GPC5: variants seen among roughly 807,000 people sequenced by gnomAD.
The protein encoded by GPC5 is glypican 5.
Under a neutral mutation model 53.9 loss-of-function variants are expected in GPC5, and 47 were observed. That is an observed-to-expected ratio of 0.87 (90% confidence interval 0.69 to 1.11). The LOEUF is 1.11. Among genes scored for constraint, GPC5 ranks in the 50% most tolerant of loss-of-function variants. GPC5 has a pLI of 0.00. For synonymous variants in GPC5, 286 were observed against 263.3 expected (o/e 1.09, Z -0.84); for missense variants, 748 against 713.1 (o/e 1.05, Z -0.56).
At chr13:91,732,754 C>T (rs2036729558) in intron 4 of GPC5, among the ~76,000 whole-genome samples, 1 of 152,114 alleles carries the variant, frequency 6.6e-6, no homozygotes, top group Admixed American at 6.5e-5. Context: ...AGCCAGTTTT[C>T]CCAGCACCTT....
intron 7 of GPC5, among the ~76,000 whole-genome samples, chr13:92,679,283 TA>T (rs1887043435): frequency 6.6e-6 from 1 of 152,226 alleles, no homozygotes; most frequent in Non-Finnish European, 1.5e-5. Context: ...AGGATTTGAC[TA>T]ACCTGTTGTT....
Position 92,254,535 on chromosome 13 carries a change from C to T in GPC5, c.1561+109546C>T, listed in dbSNP as rs146402067. Among the ~76,000 whole-genome samples the T allele has an allele frequency of 4.8e-3, 731 of 152,242 alleles. 5 individuals carry two copies. The highest frequency in any genetic ancestry group is 0.017 in the African/African-American group (701 of 41,546). On this transcript the variant is annotated intron_variant, in intron 7 of 7. Coordinates refer to ENST00000377067, the MANE Select transcript of GPC5 (RefSeq NM_004466.6). ...ACCTCCATATCTGTGAGTTCTGCAT[C>T]TGTGGATTCAGAACCACGAATAAAA...
At chr13:92,619,937 A>G (rs976417159) in intron 7 of GPC5, among the ~76,000 whole-genome samples, 6 of 152,044 alleles carry the variant, frequency 3.9e-5, no homozygotes, top group East Asian at 1.9e-4. Flanking sequence ...CTAATCTACA[A>G]TCAGAGGACA....
At chr13:92,316,289 A>G (rs1204904112) in intron 7 of GPC5, among the ~76,000 whole-genome samples, 7 of 152,170 alleles carry the variant, frequency 4.6e-5, no homozygotes, top group Admixed American at 1.3e-4. Flanking sequence ...ATACTTCAGG[A>G]TAACTAAGTA....
intron 5 of GPC5, among the ~76,000 whole-genome samples, chr13:91,877,636 G>A (rs1472327075): frequency 2.0e-5 from 3 of 152,170 alleles, no homozygotes; most frequent in Non-Finnish European, 2.9e-5. Flanking sequence ...CAGGCTTATA[G>A]GTGGAAGGAA....
At chr13:92,588,164 G>A (rs71427583) in intron 7 of GPC5, among the ~76,000 whole-genome samples, 28 of 152,120 alleles carry the variant, frequency 1.8e-4, no homozygotes, top group Non-Finnish European at 3.2e-4. Context: ...TTATGAATGA[G>A]AACATGCGGT....
At chr13:92,440,600 C>T (rs1010731941) in intron 7 of GPC5, among the ~76,000 whole-genome samples, 2 of 152,102 alleles carry the variant, frequency 1.3e-5, no homozygotes, top group African/African-American at 4.8e-5. Flanking sequence ...ATTTATTTTC[C>T]TTTGGGTATA....
intron 2 of GPC5, among the ~76,000 whole-genome samples, chr13:91,496,593 G>C (rs1884279127): frequency 6.6e-6 from 1 of 152,090 alleles, no homozygotes; most frequent in African/African-American, 2.4e-5. Flanking sequence ...TGAACTTATG[G>C]ACATAGAGAT....
intron 6 of GPC5, among the ~76,000 whole-genome samples, chr13:91,937,924 G>A (rs1025397586): frequency 1.3e-5 from 2 of 151,924 alleles, no homozygotes; most frequent in African/African-American, 4.8e-5. Flanking sequence ...CCTTATATTG[G>A]TAACACATCT....
intron 7 of GPC5, among the ~76,000 whole-genome samples, chr13:92,762,080 C>T (rs921125988): frequency 6.6e-6 from 1 of 151,148 alleles, no homozygotes; most frequent in African/African-American, 2.4e-5. Flanking sequence ...TATGAAAACA[C>T]ATGGAAGTAT....
intron 7 of GPC5, among the ~76,000 whole-genome samples, chr13:92,655,322 T>TTTATTTATTTAC (rs1886091681): frequency 7.3e-6 from 1 of 136,536 alleles, no homozygotes; most frequent in Admixed American, 7.3e-5. Context: ...TATTTATTTA[T>TTTATTTATTTAC]TTATTTATTT....
chr13:92,673,025 C>T (rs12877956), intron 7 of GPC5, among the ~76,000 whole-genome samples: 33,600 of 151,810 alleles, frequency 0.22, 4,379 homozygotes, highest in South Asian at 0.36. Flanking sequence ...CTTGTACCCC[C>T]GAACCTAAAA....
intron 7 of GPC5, among the ~76,000 whole-genome samples, chr13:92,666,606 C>A (rs549700054): frequency 2.6e-5 from 4 of 152,234 alleles, no homozygotes; most frequent in African/African-American, 9.6e-5. Context: ...GTAAGACAGG[C>A]AATTTTATAA....
At chr13:91,978,606 A>G (rs112882109) in intron 6 of GPC5, among the ~76,000 whole-genome samples, 3,602 of 152,302 alleles carry the variant, frequency 0.024, 141 homozygotes, top group African/African-American at 0.082. Flanking sequence ...GACACACAGG[A>G]AGACATCAGA....
intron 7 of GPC5, among the ~76,000 whole-genome samples, chr13:92,703,243 G>T (rs1049093873): frequency 6.6e-6 from 1 of 151,558 alleles, no homozygotes; most frequent in African/African-American, 2.4e-5. Context: ...GTTTTCAAAA[G>T]AATAAATTAA....
chr13:92,253,503 G>C lies in GPC5; in HGVS notation c.1561+108514G>C, dbSNP rs1306460188. Among the ~76,000 whole-genome samples the C allele has an allele frequency of 4.6e-5, 7 of 152,196 alleles. No homozygotes were observed. In the East Asian group the frequency reaches 1.4e-3, roughly 29 times the overall value. ...AATTAGCAGTTAGTCATGCAGATAA[G>C]GAAAGAGTAGTCACCTGTGTGTAGT... On this transcript the variant is annotated intron_variant, in intron 7 of 7. Transcript: ENST00000377067.
chr13:92,277,309 A>G (rs2042883096), intron 7 of GPC5, among the ~76,000 whole-genome samples: 1 of 152,014 alleles, frequency 6.6e-6, no homozygotes, highest in Non-Finnish European at 1.5e-5. Flanking sequence ...GAAAATCCAT[A>G]CATTTTCAAG....
At chr13:92,439,614 C>A (rs952753961) in intron 7 of GPC5, among the ~76,000 whole-genome samples, 3 of 151,936 alleles carry the variant, frequency 2.0e-5, no homozygotes, top group Non-Finnish European at 2.9e-5. Flanking sequence ...GAAAGTAGTC[C>A]TGTATCACTG....
At chr13:92,827,217 G>A (rs773816241) in intron 7 of GPC5, among the ~76,000 whole-genome samples, 17 of 152,060 alleles carry the variant, frequency 1.1e-4, no homozygotes, top group Admixed American at 2.0e-4. Context: ...GACAGATAAC[G>A]TTCTGCTTCT....
Sources: allele counts gnomAD v4.1 joint callset (sites outside exome capture counted in the v4.1 genomes callset), GRCh38; gene constraint gnomAD v4.1.1; transcripts MANE v1.5; gene names NCBI Gene and HGNC (gene_info 2026-07-23, HGNC 2026-07-21).